Variants in PRTG observed in about 807,000 individuals in gnomAD.
PRTG encodes immunoglobulin superfamily, DCC subclass, member 5.
PRTG carries 67 observed loss-of-function variants against 122.5 expected under a neutral mutation model. The observed-to-expected ratio is 0.55, with a 90% CI of 0.45 to 0.67. The LOEUF is 0.67. Among genes scored for constraint, PRTG ranks in the 30% least tolerant of loss-of-function variants. The probability of loss-of-function intolerance (pLI) is 0.00; values close to 1 mark genes in which losing one functional copy is unlikely to be tolerated. For synonymous variants in PRTG, 554 were observed against 501.1 expected (o/e 1.11, Z -1.41); for missense variants, 1,435 against 1,415.4 (o/e 1.01, Z -0.22).
In PRTG at chr15:55,628,757, T is replaced by C. The variant is rs1192330111; in HGVS notation, c.2806+65A>G. On this transcript the variant is annotated intron_variant, in intron 16 of 19. Coordinates refer to ENST00000389286, the MANE Select transcript of PRTG (RefSeq NM_173814.6). ...GATACAGCAATTGTAGGAGCAGAAA[T>C]AATGTGTAAGGAAGAACACTTTTTT... The C allele has an allele frequency of 4.3e-5, 55 of 1,283,042 alleles. 1 individual carries two copies. The South Asian group carries it at 8.3e-4, about 19-fold the overall frequency. 79.5% of individuals were successfully genotyped at this position (1,283,042 alleles called of 1,614,324 possible).
chr15:55,697,550 C>T (rs190691249), intron 2 of PRTG, among the ~76,000 whole-genome samples: 2 of 152,234 alleles, frequency 1.3e-5, no homozygotes, highest in East Asian at 1.9e-4. Flanking sequence ...CTTGCACTAT[C>T]GCCAGGCTGG....
At chr15:55,689,731 C>T (rs1044202479) in intron 2 of PRTG, among the ~76,000 whole-genome samples, 1 of 151,662 alleles carries the variant, frequency 6.6e-6, no homozygotes. Flanking sequence ...ATCGAGACCA[C>T]CCTGGCTAAC....
At chr15:55,729,669 AT>A (rs1384796377) in intron 2 of PRTG, among the ~76,000 whole-genome samples, 2 of 152,048 alleles carry the variant, frequency 1.3e-5, no homozygotes, top group African/African-American at 4.8e-5. Context: ...AATAAAACTT[AT>A]TTTTTTAATT....
At chr15:55,679,604 T>G (rs1303748108) in intron 6 of PRTG, 159 bp from the exon 7 acceptor site, 2 of 566,326 alleles carry the variant, frequency 3.5e-6, no homozygotes, top group Non-Finnish European at 6.1e-6. Flanking sequence ...AGGTGCCTTT[T>G]CTCGGCATTG....
At chr15:55,642,204 T>A (rs57716460) in intron 11 of PRTG, among the ~76,000 whole-genome samples, 16,485 of 127,768 alleles carry the variant, frequency 0.13, 1,076 homozygotes, top group African/African-American at 0.21. Flanking sequence ...AAAAAAAAAA[T>A]AGTTATACAT....
intron 15 of PRTG, among the ~76,000 whole-genome samples, chr15:55,629,373 ATATGTG>A (rs1168819805): frequency 0.064 from 3,386 of 52,830 alleles, 54 homozygotes; most frequent in Middle Eastern, 0.15. Flanking sequence ...ATATATATAT[ATATGTG>A]TGTGTGTGTG....
At chr15:55,680,715 C>T in intron 4 of PRTG, 87 bp from the exon 5 acceptor site, 1 of 901,464 alleles carries the variant, frequency 1.1e-6, no homozygotes, top group Non-Finnish European at 1.5e-6. Context: ...TCTTATCACT[C>T]ACTTTTCTTT....
rs2059410954 is a variant in PRTG, at chr15:55,661,744, TG to T, written c.2041+10700del. Among the ~76,000 whole-genome samples, 5 of 152,214 alleles carry T rather than the reference TG, an allele frequency of 3.3e-5. No individual in the cohort carries two copies. In the South Asian group the frequency reaches 1.0e-3, roughly 32 times the overall value. ...TCTACAAAGAGAAGCCAGATGCAAC[TG>T]ATCCCACCTCCCCACCACCATTGTC... On this transcript the variant is annotated intron_variant, in intron 11 of 19. Coordinates refer to ENST00000389286, the MANE Select transcript of PRTG (RefSeq NM_173814.6).
At chr15:55,675,498 T>C (rs764451562) in intron 9 of PRTG, 21 bp downstream of exon 9, 5 of 1,559,406 alleles carry the variant, frequency 3.2e-6, no homozygotes, top group Non-Finnish European at 4.4e-6. Flanking sequence ...ACTGAAATGA[T>C]CTAGAATCAT....
chr15:55,616,522 G>GA lies in PRTG; in HGVS notation c.*3489dup, dbSNP rs1340608110. On this transcript the variant is annotated 3_prime_UTR_variant, in exon 20 of 20. Transcript: ENST00000389286. ...GACATTTCACACTCAAGGTGCTTTG[G>GA]AAAGTATCACATCATTTGGCAAAAA... is the stretch of plus-strand genomic sequence containing the variant. 2 of 152,116 alleles carry GA rather than the reference G, an allele frequency of 1.3e-5. No homozygotes were observed. The highest frequency in any genetic ancestry group is 4.8e-5 in the African/African-American group (2 of 41,420). 9.4% of individuals were successfully genotyped at this position (152,116 alleles called of 1,614,324 possible).
chr15:55,694,854 T>A (rs2059623419), intron 2 of PRTG, among the ~76,000 whole-genome samples: 2 of 152,166 alleles, frequency 1.3e-5, no homozygotes, highest in African/African-American at 4.8e-5. Flanking sequence ...TAGGTATGAT[T>A]TTACAAGTCT....
At chr15:55,673,156 A>C (rs1309470036) in intron 10 of PRTG, among the ~76,000 whole-genome samples, 1 of 152,236 alleles carries the variant, frequency 6.6e-6, no homozygotes, top group Non-Finnish European at 1.5e-5. Context: ...TTTGCTAAGC[A>C]AACTAACAGC....
At chr15:55,733,045 C>T (rs2031290240) in intron 2 of PRTG, among the ~76,000 whole-genome samples, 1 of 151,978 alleles carries the variant, frequency 6.6e-6, no homozygotes, top group Non-Finnish European at 1.5e-5. Flanking sequence ...CCCATCTCTA[C>T]CAAAAATATA....
At chr15:55,722,397 T>A (rs1370761094) in intron 2 of PRTG, among the ~76,000 whole-genome samples, 1 of 132,650 alleles carries the variant, frequency 7.5e-6, no homozygotes, top group Non-Finnish European at 1.8e-5. Context: ...AAATACTTGT[T>A]GGGGAAATGA....
intron 2 of PRTG, among the ~76,000 whole-genome samples, chr15:55,695,147 C>T (rs150358626): frequency 5.5e-4 from 84 of 152,194 alleles, no homozygotes; most frequent in South Asian, 2.7e-3. Context: ...ATTAAAAATG[C>T]CAAGATGAAA....
rs961528940 is a variant in PRTG at position 55,611,883 on chromosome 15, A to G, written c.*8129T>C. ...TAAAATTAATATAGCTCAGCTCTAC[A>G]GTCCATTAGCAAGTCTACAAATGCT... On this transcript the variant is annotated 3_prime_UTR_variant, in exon 20 of 20. Coordinates refer to ENST00000389286, the MANE Select transcript of PRTG (RefSeq NM_173814.6). 1 of 152,158 alleles carries G rather than the reference A, an allele frequency of 6.6e-6. No individual in the cohort carries two copies. The highest frequency in any genetic ancestry group is 2.4e-5 in the African/African-American group (1 of 41,450). 9.4% of individuals were successfully genotyped at this position (152,158 alleles called of 1,614,324 possible). A position where few individuals can be genotyped will look rare whatever the true frequency, so the allele number is the denominator to read the frequency against.
intron 15 of PRTG, among the ~76,000 whole-genome samples, chr15:55,630,098 C>T (rs542256934): frequency 5.9e-5 from 9 of 151,810 alleles, no homozygotes; most frequent in Non-Finnish European, 8.8e-5. Flanking sequence ...GCCATTCTCC[C>T]GCCTCAGCCT....
rs376933626 is a variant in PRTG at position 55,737,976 on chromosome 15, T to TTCTCTCTCTCTC, written c.397+2394_397+2405dup. Among the ~76,000 whole-genome samples the TTCTCTCTCTCTC allele has an allele frequency of 7.7e-3, 699 of 91,364 alleles. 5 individuals carry two copies. The highest frequency in any genetic ancestry group is 0.015 in the African/African-American group (313 of 20,434). The allele number at this position is 91,364 out of a possible 152,430, so 59.9% of individuals were successfully genotyped here. On this transcript the variant is annotated intron_variant, in intron 2 of 19. Transcript: ENST00000389286. ...AACCAGAATGTCCACTTAATGCCTA[T>TTCTCTCTCTCTC]TCTCTCTCTCTCTCTCTCTCTCTCT...
At chr15:55,739,712 A>G (rs1285114438) in intron 2 of PRTG, among the ~76,000 whole-genome samples, 1 of 152,196 alleles carries the variant, frequency 6.6e-6, no homozygotes, top group Non-Finnish European at 1.5e-5. Context: ...CAAATGGTTG[A>G]TCTGATGGGG....
Sources: allele counts gnomAD v4.1 joint callset (sites outside exome capture counted in the v4.1 genomes callset), GRCh38; gene constraint gnomAD v4.1.1; transcripts MANE v1.5; gene names NCBI Gene and HGNC (gene_info 2026-07-23, HGNC 2026-07-21).